MDM1: variants seen among roughly 807,000 people sequenced by gnomAD.
MDM1 encodes Mdm1 nuclear protein.
In MDM1, 61 loss-of-function variants were observed where a neutral mutation model predicts 89.1. The ratio of observed to expected loss-of-function variants is 0.68; its 90% CI spans 0.56 to 0.85. MDM1 has a LOEUF of 0.85. Among genes scored for constraint, MDM1 ranks in the 40% least tolerant of loss-of-function variants. The pLI, the probability that MDM1 is intolerant of heterozygous loss-of-function variation, is 0.00. For synonymous variants in MDM1, 290 were observed against 294.1 expected, an observed-to-expected ratio of 0.99 and a Z score of 0.14; for missense variants, 820 against 846.5, an observed-to-expected ratio of 0.97 and a Z score of 0.39.
intron 14 of MDM1, among the ~76,000 whole-genome samples, chr12:68,295,827 T>C (rs1251561768): frequency 6.6e-6 from 1 of 152,214 alleles, no homozygotes. Context: ...GAAATAATTT[T>C]TGATTTTAAT....
rs763038499 is a variant in MDM1 at position 68,323,182 on chromosome 12, T to G, written c.692A>C (p.Glu231Ala). Residue 231 changes from glutamate (E) to alanine (A), a missense_variant, in exon 5 of 15, where the codon GAA becomes GCA. By Grantham distance (107) the Glu-to-Ala change is moderately radical (BLOSUM62 -1). Coordinates refer to ENST00000682720, the MANE Select transcript of MDM1 (RefSeq NM_001354969.2). Reference sequence around the variant, plus strand: ...CTTGAAATTTCTTTTGTATTCAGTTTCATGGATGACTGAGTTACCTTTGAA... The same window carrying G: ...CTTGAAATTTCTTTTGTATTCAGTTGCATGGATGACTGAGTTACCTTTGAA... ...PPFKGNSVIH[E>A]TEYKRNFKGL... is the part of the protein sequence containing the mutation. 1.2e-6 allele frequency: 2 copies of G among 1,610,188 alleles called. No homozygotes were observed. Among genetic ancestry groups the G allele is most frequent in the South Asian group, 2.2e-5 (2 of 90,006 alleles).
At chr12:68,305,897 G>A (rs1872801182) in intron 12 of MDM1, among the ~76,000 whole-genome samples, 1 of 116,602 alleles carries the variant, frequency 8.6e-6, no homozygotes, top group Non-Finnish European at 1.7e-5. Context: ...AGAAAAAGCA[G>A]TTCTAAAATT....
rs148910312 is a variant in MDM1, at chr12:68,316,144, T to G, written c.1145A>C (p.Asp382Ala). The G allele has an allele frequency of 3.5e-5, 56 of 1,613,958 alleles. No homozygotes were observed. The highest frequency in any genetic ancestry group is 4.7e-5 in the Non-Finnish European group (55 of 1,179,958). ...TTCTGAGCTTGTGGTTGAGGAGACA[T>G]CCCAACAGCAGTTGCTATCAGATAA... ...QILSDSNCCW[D>A]VSSTTSSEGT... Residue 382 changes from aspartate (D) to alanine (A), a missense_variant, in exon 9 of 15, where the codon GAT (aspartate) becomes GCT (alanine). Transcript: ENST00000682720.
intron 13 of MDM1, among the ~76,000 whole-genome samples, chr12:68,299,560 A>T (rs1871872856): frequency 6.6e-6 from 1 of 152,164 alleles, no homozygotes. Flanking sequence ...CAGGTCCAAG[A>T]GGGAGGAAAA....
Position 68,316,186 on chromosome 12 carries a change from T to C in MDM1, c.1103A>G (p.Asp368Gly). The C allele has an allele frequency of 6.2e-7, 1 of 1,614,118 alleles. No individual in the cohort carries two copies. The highest frequency in any genetic ancestry group is 8.5e-7 in the Non-Finnish European group (1 of 1,179,984). The change falls in exon 9 of 15, where the codon GAC (aspartate) becomes GGC (glycine). Residue 368 changes from aspartate to glycine, a missense_variant. Physicochemically the swap from Asp to Gly is moderately conservative, Grantham distance 94. Transcript: ENST00000682720. The stretch of plus-strand genomic sequence containing the variant: ...ATCAGATAAAATCTGATTCAGATGG[T>C]CCCGAGAAAAATGCGTCCCCTGAAC... ...KRVQGTHFSR[D>G]HLNQILSDSN...
intron 14 of MDM1, 39 bp downstream of exon 14, chr12:68,296,884 T>C (rs1484781210): frequency 7.0e-7 from 1 of 1,434,186 alleles, no homozygotes; most frequent in South Asian, 1.4e-5. Context: ...TCTCATAGAC[T>C]AGAACTCAAA....
chr12:68,331,083 T>C (rs1876731346), intron 2 of MDM1, 24 bp downstream of exon 2: 1 of 1,325,902 alleles, frequency 7.5e-7, no homozygotes, highest in Non-Finnish European at 1.1e-6. Context: ...CAGGTTAGAA[T>C]GGCTATTAGC....
rs1490759354 is a variant in MDM1, at chr12:68,326,647, A to G, written c.498+10T>C. 1 of 1,614,156 alleles carries G rather than the reference A, an allele frequency of 6.2e-7. No individual in the cohort carries two copies. Among genetic ancestry groups the G allele is most frequent in the Non-Finnish European group, 8.5e-7 (1 of 1,179,978 alleles). On this transcript the variant is annotated intron_variant, in intron 3 of 14. Coordinates refer to ENST00000682720, the MANE Select transcript of MDM1 (RefSeq NM_001354969.2). ...ATGCTTTTGAAAAGAAATGCAGTGA[A>G]TATGCCTACCCCATTATCTACATTT...
chr12:68,295,829 G>T (rs1229115634), intron 14 of MDM1, among the ~76,000 whole-genome samples: 2 of 152,052 alleles, frequency 1.3e-5, no homozygotes, highest in Admixed American at 6.6e-5. Context: ...AATAATTTTT[G>T]ATTTTAATAT....
At position 68,302,646 on chromosome 12, in the gene MDM1, A is replaced by G. The variant is rs752732485; in HGVS notation, c.1976T>C (p.Leu659Pro). The G allele has an allele frequency of 6.2e-7, 1 of 1,613,656 alleles. No individual in the cohort carries two copies. The highest frequency in any genetic ancestry group is 8.5e-7 in the Non-Finnish European group (1 of 1,179,758). ...WHPSRRIQGS[L>P]RDPEFQHNVG... ...ATTGTGCTGAAACTCTGGATCTCTA[A>G]GAGAGCCCTGAATTCGTCGAGAGGG... Residue 659 changes from leucine (L) to proline (P), a missense_variant, in exon 13 of 15, where the codon CTT (leucine) becomes CCT (proline). By Grantham distance (98) the Leu-to-Pro change is moderately conservative. Transcript: ENST00000682720.
intron 3 of MDM1, 166 bp downstream of exon 3, chr12:68,326,491 T>G (rs1382309148): frequency 6.6e-7 from 1 of 1,523,818 alleles, no homozygotes; most frequent in South Asian, 1.3e-5. Flanking sequence ...TAGAACTAAT[T>G]CACAATAACT....
rs563218804 is a variant in MDM1 at position 68,325,660 on chromosome 12, G to T, written c.499-85C>A. The T allele has an allele frequency of 4.7e-5, 65 of 1,392,696 alleles. 1 individual carries two copies. The South Asian group carries it at 1.2e-3, about 26-fold the overall frequency. The allele number at this position is 1,392,696 out of a possible 1,614,324, so 86.3% of individuals were successfully genotyped here. A position where few individuals can be genotyped will look rare whatever the true frequency, so the allele number is the denominator to read the frequency against. Reference sequence around the variant, plus strand: ...AATTGTGGTAAAAAATGCATAACATGAAATCTATCCTCTTAACAAAATGTT... The same window carrying T: ...AATTGTGGTAAAAAATGCATAACATTAAATCTATCCTCTTAACAAAATGTT... On this transcript the variant is annotated intron_variant, in intron 3 of 14. Coordinates refer to ENST00000682720, the MANE Select transcript of MDM1 (RefSeq NM_001354969.2).
chr12:68,326,056 C>T (rs899003711), intron 3 of MDM1: 3 of 995,934 alleles, frequency 3.0e-6, no homozygotes, highest in Non-Finnish European at 3.6e-6. Context: ...CAGTGGTGGA[C>T]ATGAACCAGA....
rs1872337987 is a variant in MDM1 at position 68,302,700 on chromosome 12, G to A, written c.1922C>T (p.Ser641Phe). The stretch of plus-strand genomic sequence containing the variant: ...CCAGTAGGATGGAACATGTGGTGGA[G>A]AAGGCAACTGTCCAGGGGGATTTGT... ...YPTNPPGQLP[S>F]PPHVPSYWHP... is the part of the protein sequence containing the mutation. Residue 641 changes from serine to phenylalanine, a missense_variant, in exon 13 of 15, where the codon TCT (serine) becomes TTT (phenylalanine). Coordinates refer to ENST00000682720, the MANE Select transcript of MDM1 (RefSeq NM_001354969.2). The A allele has an allele frequency of 1.9e-6, 3 of 1,614,002 alleles. No homozygotes were observed. Among genetic ancestry groups the A allele is most frequent in the South Asian group, 2.2e-5 (2 of 91,066 alleles).
intron 2 of MDM1, chr12:68,327,481 G>A: frequency 6.5e-7 from 1 of 1,535,874 alleles, no homozygotes; most frequent in Non-Finnish European, 8.7e-7. Flanking sequence ...TCACTGTGCT[G>A]GATCTTGGTT....
At chr12:68,318,582 G>A (rs1874804046) in intron 7 of MDM1, among the ~76,000 whole-genome samples, 1 of 152,010 alleles carries the variant, frequency 6.6e-6, no homozygotes, top group Non-Finnish European at 1.5e-5. Flanking sequence ...AAACTAAGAT[G>A]AAAAATTAAA....
chr12:68,297,930 C>T (rs1050694042), intron 13 of MDM1, among the ~76,000 whole-genome samples: 3 of 152,098 alleles, frequency 2.0e-5, no homozygotes, highest in South Asian at 2.1e-4. Flanking sequence ...AGAGCAGACC[C>T]ACCTAACCCA....
intron 12 of MDM1, among the ~76,000 whole-genome samples, chr12:68,304,393 T>C (rs1207842774): frequency 6.6e-6 from 1 of 152,218 alleles, no homozygotes; most frequent in Non-Finnish European, 1.5e-5. Flanking sequence ...TTCAAAACAT[T>C]GCTTTCTAAA....
chr12:68,315,260 G>A lies in MDM1; in HGVS notation c.1217C>T (p.Pro406Leu). ...NIRALDLAGDPTSHKTLQKCP... is the reference protein window; with the variant it reads ...NIRALDLAGDLTSHKTLQKCP... The stretch of plus-strand genomic sequence containing the variant: ...TTTCTGCAAAGTCTTATGGCTTGTA[G>A]GATCTCTGCGTAACAAAATCAATTT... Residue 406 changes from proline to leucine, a missense_variant, in exon 10 of 15, where the codon CCT (proline) becomes CTT (leucine). By Grantham distance (98) the Pro-to-Leu change is moderately conservative. Coordinates refer to ENST00000682720, the MANE Select transcript of MDM1 (RefSeq NM_001354969.2). The A allele has an allele frequency of 9.9e-6, 16 of 1,609,364 alleles. No homozygotes were observed. Among genetic ancestry groups the A allele is most frequent in the Non-Finnish European group, 1.3e-5 (15 of 1,177,314 alleles).
Sources: gnomAD v4.1 joint callset for allele counts (sites outside exome capture counted in the v4.1 genomes callset) on GRCh38, gnomAD v4.1.1 for gene constraint, MANE v1.5 for transcripts, NCBI Gene and HGNC (gene_info 2026-07-23, HGNC 2026-07-21) for gene names.